Variants in CCS observed in about 807,000 individuals in gnomAD.
The protein encoded by CCS is superoxide dismutase copper chaperone.
A neutral mutation model predicts 35.5 loss-of-function variants in CCS; 32 were observed. The observed-to-expected ratio is 0.90, with a 90% CI of 0.68 to 1.21. CCS has a LOEUF of 1.21. CCS is among the 50% of genes most tolerant of loss of function. The probability of loss-of-function intolerance (pLI) is 0.00; values close to 1 mark genes in which losing one functional copy is unlikely to be tolerated. For synonymous variants in CCS, 130 were observed against 147.2 expected, an observed-to-expected ratio of 0.88 and a Z score of 0.84; for missense variants, 342 against 375.4, an observed-to-expected ratio of 0.91 and a Z score of 0.73.
At chr11:66,594,791 A>T (rs1001942552) in intron 2 of CCS, among the ~76,000 whole-genome samples, 28 of 152,020 alleles carry the variant, frequency 1.8e-4, no homozygotes, top group African/African-American at 6.8e-4. Flanking sequence ...AAAAAAAAAA[A>T]AAACAAGTTC....
intron 2 of CCS, 72 bp from the exon 3 acceptor site, chr11:66,599,044 C>T (rs1858527200): frequency 6.3e-7 from 1 of 1,589,590 alleles, no homozygotes; most frequent in East Asian, 2.2e-5. Flanking sequence ...GAATTGCTGT[C>T]TGTTTTTCTG....
At position 66,605,954 on chromosome 11, in the gene CCS, C is replaced by A; in HGVS notation, c.*99C>A. 1 of 1,287,264 alleles carries A rather than the reference C, an allele frequency of 7.8e-7. No individual in the cohort carries two copies. Among genetic ancestry groups the A allele is most frequent in the Non-Finnish European group, 1.0e-6 (1 of 970,316 alleles). The allele number at this position is 1,287,264 out of a possible 1,614,324, so 79.7% of individuals were successfully genotyped here. On this transcript the variant is annotated 3_prime_UTR_variant, in exon 8 of 8. Transcript: ENST00000533244. ...CTTTGCCTGCCCAGTCTTTGGAGAGCTCAGTACAGGGCAGGAGCTGCTGTG... is the reference window on the plus strand; with the variant it reads ...CTTTGCCTGCCCAGTCTTTGGAGAGATCAGTACAGGGCAGGAGCTGCTGTG...
intron 2 of CCS, among the ~76,000 whole-genome samples, chr11:66,594,792 AAAC>A (rs1462147245): frequency 1.3e-5 from 2 of 151,866 alleles, no homozygotes; most frequent in African/African-American, 4.8e-5. Flanking sequence ...AAAAAAAAAA[AAAC>A]AAGTTCACCC....
At chr11:66,600,651 G>C in intron 5 of CCS, 102 bp downstream of exon 5, 1 of 551,610 alleles carries the variant, frequency 1.8e-6, no homozygotes, top group Non-Finnish European at 3.2e-6. Context: ...TTCCTTTTTG[G>C]TGGAGTCTTT....
Position 66,605,384 on chromosome 11 carries a change from G to A in CCS, c.535G>A (p.Ala179Thr), listed in dbSNP as rs367642079. The A allele has an allele frequency of 7.1e-5, 115 of 1,614,022 alleles. No homozygotes were observed. Among genetic ancestry groups the A allele is most frequent in the East Asian group, 1.1e-4 (5 of 44,898 alleles). ...TGTCCGTGCTGATGCTGACGGCCGC[G>A]CCATCTTCAGAATGGAGGATGAGCA... The part of the protein sequence containing the change: ...GNVRADADGR[A>T]IFRMEDEQLK... Residue 179 changes from alanine (A) to threonine (T), a missense_variant, in exon 6 of 8, where the codon GCC becomes ACC. Coordinates refer to ENST00000533244, the MANE Select transcript of CCS (RefSeq NM_005125.2).
chr11:66,593,682 A>G lies in CCS; in HGVS notation c.80A>G (p.Asp27Gly), dbSNP rs774081476. 1.9e-6 allele frequency: 3 copies of G among 1,613,974 alleles called. No homozygotes were observed. The highest frequency in any genetic ancestry group is 4.5e-5 in the East Asian group (2 of 44,888). Residue 27 changes from aspartate to glycine, a missense_variant, in exon 2 of 8, where the codon GAC becomes GGC. Physicochemically the swap from Asp to Gly is moderately conservative, Grantham distance 94. Coordinates refer to ENST00000533244, the MANE Select transcript of CCS (RefSeq NM_005125.2). Reference protein sequence around the residue: ...AVQMTCQSCVDAVRKSLQGVA... With the variant: ...AVQMTCQSCVGAVRKSLQGVA... ...CAGATGACCTGTCAGAGCTGTGTGG[A>G]CGCGGTGCGCAAATCCCTGCAAGGG...
In CCS at chr11:66,601,624, A is replaced by G. The variant is rs188215179; in HGVS notation, c.489+1075A>G. 4.2e-3 allele frequency among the ~76,000 whole-genome samples: 628 copies of G among 148,428 alleles called. 1 individual carries two copies. The highest frequency in any genetic ancestry group is 6.1e-3 in the Non-Finnish European group (415 of 67,522). On this transcript the variant is annotated intron_variant, in intron 5 of 7. Transcript: ENST00000533244. The stretch of plus-strand genomic sequence containing the variant: ...CACTCTGTTGCCCATGCTGGAGTGC[A>G]GTGCTGTGATCATGGCTCACTACAG...
chr11:66,605,867 C>A lies in CCS; in HGVS notation c.*12C>A. 6.6e-7 allele frequency: 1 copy of A among 1,513,650 alleles called. No individual in the cohort carries two copies. 93.8% of individuals were successfully genotyped at this position (1,513,650 alleles called of 1,614,324 possible). A position where few individuals can be genotyped will look rare whatever the true frequency, so the allele number is the denominator to read the frequency against. On this transcript the variant is annotated 3_prime_UTR_variant, in exon 8 of 8. Coordinates refer to ENST00000533244, the MANE Select transcript of CCS (RefSeq NM_005125.2). ...CTGCCCACCTTTGAGCAGGACCTCACCTTGGCTCTGTTGCTGTCCTCCAGG... is the reference window on the plus strand; with the variant it reads ...CTGCCCACCTTTGAGCAGGACCTCAACTTGGCTCTGTTGCTGTCCTCCAGG...
Position 66,605,861 on chromosome 11 carries a change from A to G in CCS, c.*6A>G. ...AGCCCCCTGCCCACCTTTGAGCAGG[A>G]CCTCACCTTGGCTCTGTTGCTGTCC... On this transcript the variant is annotated 3_prime_UTR_variant, in exon 8 of 8. Coordinates refer to ENST00000533244, the MANE Select transcript of CCS (RefSeq NM_005125.2). 2 of 1,522,530 alleles carry G rather than the reference A, an allele frequency of 1.3e-6. No homozygotes were observed. The highest frequency in any genetic ancestry group is 1.8e-6 in the Non-Finnish European group (2 of 1,135,968). The allele number at this position is 1,522,530 out of a possible 1,614,324, so 94.3% of individuals were successfully genotyped here.
At chr11:66,593,436 A>T in intron 1 of CCS, 136 bp downstream of exon 1, 2 of 1,016,830 alleles carry the variant, frequency 2.0e-6, no homozygotes, top group South Asian at 3.2e-5. Context: ...CTAGGGTGCG[A>T]GGGTAGCAGG....
intron 5 of CCS, 62 bp from the exon 6 acceptor site, chr11:66,605,277 A>C: frequency 6.2e-7 from 1 of 1,606,054 alleles, no homozygotes; most frequent in Non-Finnish European, 8.5e-7. Flanking sequence ...AGGAAATCAG[A>C]AGATAGCAGC....
chr11:66,595,925 G>A (rs1475546028), intron 2 of CCS, among the ~76,000 whole-genome samples: 1 of 152,216 alleles, frequency 6.6e-6, no homozygotes, highest in Non-Finnish European at 1.5e-5. Context: ...GCTGAGGCCT[G>A]TCATCAGGAC....
At chr11:66,599,398 G>C in intron 3 of CCS, 61 bp from the exon 4 acceptor site, 3 of 1,501,176 alleles carry the variant, frequency 2.0e-6, no homozygotes, top group Non-Finnish European at 2.7e-6. Context: ...CCCTTCCCGA[G>C]CTGCTGAAGA....
intron 2 of CCS, among the ~76,000 whole-genome samples, chr11:66,597,365 G>A (rs1223141284): frequency 1.3e-5 from 2 of 152,042 alleles, no homozygotes; most frequent in African/African-American, 4.8e-5. Flanking sequence ...GGCTGAGGCA[G>A]GAGAATGGCT....
chr11:66,594,526 A>G (rs1015724735), intron 2 of CCS, among the ~76,000 whole-genome samples: 2 of 152,310 alleles, frequency 1.3e-5, no homozygotes, highest in Non-Finnish European at 2.9e-5. Flanking sequence ...CTGTAATCCC[A>G]GCACTTTGGG....
chr11:66,605,657 G>A, intron 7 of CCS, 45 bp from the exon 8 acceptor site: 1 of 1,581,326 alleles, frequency 6.3e-7, no homozygotes, highest in Non-Finnish European at 8.6e-7. Context: ...ACCCAGGGGT[G>A]GGGGCCAAAC....
rs759603666 is a variant in CCS at position 66,593,215 on chromosome 11, C to T, written c.-47C>T. 1.8e-5 allele frequency: 28 copies of T among 1,550,182 alleles called. No homozygotes were observed. Among genetic ancestry groups the T allele is most frequent in the Non-Finnish European group, 2.4e-5 (28 of 1,146,696 alleles). On this transcript the variant is annotated 5_prime_UTR_variant, in exon 1 of 8. Transcript: ENST00000533244. ...CCGCGACGCCGCGCTGGTTGGTGCTCCTGCGCCGGAGGAGTTCTGCGTCTC... is the reference window on the plus strand; with the variant it reads ...CCGCGACGCCGCGCTGGTTGGTGCTTCTGCGCCGGAGGAGTTCTGCGTCTC...
chr11:66,597,152 T>A (rs1267286831), intron 2 of CCS, among the ~76,000 whole-genome samples: 2 of 152,132 alleles, frequency 1.3e-5, no homozygotes, highest in Non-Finnish European at 2.9e-5. Context: ...TTTATGTGTG[T>A]AATAGCTTTA....
intron 4 of CCS, 111 bp from the exon 5 acceptor site, chr11:66,600,374 CTGTT>C: frequency 1.6e-6 from 1 of 644,722 alleles, no homozygotes; most frequent in South Asian, 2.7e-5. Flanking sequence ...CAGAGTAGGC[CTGTT>C]TGTTGAATGA....
Sources: allele counts gnomAD v4.1 joint callset (sites outside exome capture counted in the v4.1 genomes callset), GRCh38; gene constraint gnomAD v4.1.1; transcripts MANE v1.5; gene names NCBI Gene and HGNC (gene_info 2026-07-23, HGNC 2026-07-21).